Variants in TPST2 observed in about 807,000 individuals in gnomAD.
TPST2 encodes tyrosylprotein sulfotransferase 2, also known as protein-tyrosine sulfotransferase 2.
A neutral mutation model predicts 27.8 loss-of-function variants in TPST2; 16 were observed. The observed-to-expected ratio is 0.58, with a 90% CI of 0.39 to 0.88. The LOEUF is 0.88. Among genes scored for constraint, TPST2 ranks in the 40% least tolerant of loss-of-function variants. The probability of loss-of-function intolerance (pLI) is 0.00; values close to 1 mark genes in which losing one functional copy is unlikely to be tolerated. For missense variants in TPST2, 464 were observed against 543.1 expected, an observed-to-expected ratio of 0.85 and a Z score of 1.45; for synonymous variants, 229 against 231.7, an observed-to-expected ratio of 0.99 and a Z score of 0.10.
intron 1 of TPST2, among the ~76,000 whole-genome samples, chr22:26,583,465 G>T (rs1187015013): frequency 1.4e-5 from 2 of 142,332 alleles, no homozygotes; most frequent in African/African-American, 5.1e-5. Flanking sequence ...AATGCCTTGA[G>T]GGCTTAAAAT....
chr22:26,570,589 C>T (rs76064569), intron 1 of TPST2, among the ~76,000 whole-genome samples: 3,023 of 152,166 alleles, frequency 0.02, 119 homozygotes, highest in African/African-American at 0.07. Flanking sequence ...GATACTAGCG[C>T]CCCTGGATGC....
Position 26,536,538 on chromosome 22 carries a change from G to A in TPST2, c.843-52C>T, listed in dbSNP as rs746445841. On this transcript the variant is annotated intron_variant, in intron 3 of 6. Coordinates refer to ENST00000338754, the MANE Select transcript of TPST2 (RefSeq NM_003595.5). ...GGTAGGGCAGACCCAGATGGCGCCT[G>A]AGCGGATTCCCTGCTCAGCCACTCT... 22 of 1,415,302 alleles carry A rather than the reference G, an allele frequency of 1.6e-5. 1 individual carries two copies. In the South Asian group the frequency reaches 3.6e-4, roughly 23 times the overall value. 87.7% of individuals were successfully genotyped at this position (1,415,302 alleles called of 1,614,324 possible).
intron 1 of TPST2, among the ~76,000 whole-genome samples, chr22:26,567,211 A>G (rs1239283453): frequency 6.6e-6 from 1 of 152,174 alleles, no homozygotes; most frequent in Non-Finnish European, 1.5e-5. Context: ...GGCTTACTCC[A>G]CCCTGAGACT....
intron 1 of TPST2, among the ~76,000 whole-genome samples, chr22:26,568,052 G>A (rs868169184): frequency 2.0e-5 from 3 of 152,102 alleles, no homozygotes; most frequent in Non-Finnish European, 4.4e-5. Flanking sequence ...CATTTCTACT[G>A]CTGATTATAC....
chr22:26,575,090 T>C (rs936330763), intron 1 of TPST2, among the ~76,000 whole-genome samples: 2 of 152,078 alleles, frequency 1.3e-5, no homozygotes, highest in Admixed American at 6.5e-5. Context: ...GGTAAGAATC[T>C]AGGTTTGACT....
intron 4 of TPST2, among the ~76,000 whole-genome samples, chr22:26,534,276 C>G (rs1036238981): frequency 6.6e-6 from 1 of 152,174 alleles, no homozygotes; most frequent in Non-Finnish European, 1.5e-5. Flanking sequence ...CAGAAGCACA[C>G]AGGCATGCAT....
At position 26,541,709 on chromosome 22, in the gene TPST2, A is replaced by T; in HGVS notation, c.-79T>A. The T allele has an allele frequency of 6.8e-7, 1 of 1,471,556 alleles. No homozygotes were observed. The highest frequency in any genetic ancestry group is 8.9e-7 in the Non-Finnish European group (1 of 1,118,310). The allele number at this position is 1,471,556 out of a possible 1,614,324, so 91.2% of individuals were successfully genotyped here. On this transcript the variant is annotated 5_prime_UTR_variant, in exon 3 of 7. Coordinates refer to ENST00000338754, the MANE Select transcript of TPST2 (RefSeq NM_003595.5). The surrounding 1 kb of genome is among the most constrained non-coding windows in gnomAD (Gnocchi z 5.9). The stretch of plus-strand genomic sequence containing the variant: ...GCGACAGGTTAGCGGGCAGCCCGCC[A>T]GGCTCACATCTGGGGAGAGAGGGGG...
Position 26,525,279 on chromosome 22 carries a change from G to GA in TPST2, c.*995_*996insT, listed in dbSNP as rs1265508845. 1 of 152,252 alleles carries GA rather than the reference G, an allele frequency of 6.6e-6. No homozygotes were observed. Among genetic ancestry groups the GA allele is most frequent in the Non-Finnish European group, 1.5e-5 (1 of 68,118 alleles). The allele number at this position is 152,252 out of a possible 1,614,324, so 9.4% of individuals were successfully genotyped here. A position where few individuals can be genotyped will look rare whatever the true frequency, so the allele number is the denominator to read the frequency against. ...GGAGTCTTGCTCTGTCACCCAGGCTGGAGTATAATGGCACGATCTCCGCTC... is the reference window on the plus strand; with the variant it reads ...GGAGTCTTGCTCTGTCACCCAGGCTGAGAGTATAATGGCACGATCTCCGCTC... On this transcript the variant is annotated 3_prime_UTR_variant, in exon 7 of 7. Transcript: ENST00000338754.
At position 26,526,108 on chromosome 22, in the gene TPST2, C is replaced by T. The variant is rs1050621604; in HGVS notation, c.*167G>A. 3.3e-5 allele frequency: 5 copies of T among 152,240 alleles called. No individual in the cohort carries two copies. Among genetic ancestry groups the T allele is most frequent in the African/African-American group, 4.8e-5 (2 of 41,466 alleles). 9.4% of individuals were successfully genotyped at this position (152,240 alleles called of 1,614,324 possible). Reference sequence around the variant, plus strand: ...TCCAGAGATAGAGAGTTTCAAGGTACGTTTTCAATGATTCAGCTTTTGCAA... The same window carrying T: ...TCCAGAGATAGAGAGTTTCAAGGTATGTTTTCAATGATTCAGCTTTTGCAA... On this transcript the variant is annotated 3_prime_UTR_variant, in exon 7 of 7. Coordinates refer to ENST00000338754, the MANE Select transcript of TPST2 (RefSeq NM_003595.5).
chr22:26,576,314 ACT>A (rs900003390), intron 1 of TPST2, among the ~76,000 whole-genome samples: 85 of 152,116 alleles, frequency 5.6e-4, no homozygotes, highest in African/African-American at 2.0e-3. Context: ...TTCCTGGGAG[ACT>A]CTCTGTACCA....
chr22:26,538,767 G>C (rs1178813605), intron 3 of TPST2, among the ~76,000 whole-genome samples: 1 of 151,850 alleles, frequency 6.6e-6, no homozygotes, highest in South Asian at 2.1e-4. Flanking sequence ...AGGTTGCAGT[G>C]AGCCGAGATC....
At chr22:26,583,546 G>A (rs1482186925) in intron 1 of TPST2, among the ~76,000 whole-genome samples, 1 of 140,322 alleles carries the variant, frequency 7.1e-6, no homozygotes, top group Non-Finnish European at 1.6e-5. Flanking sequence ...AAGGGCTCTT[G>A]GAGCGTGTCA....
intron 1 of TPST2, among the ~76,000 whole-genome samples, chr22:26,550,158 C>T (rs1926390176): frequency 6.6e-6 from 1 of 152,138 alleles, no homozygotes; most frequent in African/African-American, 2.4e-5. Flanking sequence ...TCTAAGAGAT[C>T]CCCTTAGACT....
intron 1 of TPST2, chr22:26,565,760 A>G (rs893519959): frequency 6.6e-6 from 1 of 152,180 alleles, no homozygotes; most frequent in East Asian, 1.9e-4. Context: ...CAATATATAT[A>G]AAATATTATC....
At chr22:26,534,130 G>A (rs1018094886) in intron 4 of TPST2, among the ~76,000 whole-genome samples, 1 of 151,960 alleles carries the variant, frequency 6.6e-6, no homozygotes, top group South Asian at 2.1e-4. Context: ...CAGAATCAGG[G>A]GCCACACATG....
At chr22:26,586,542 C>T (rs1928355226) in intron 1 of TPST2, among the ~76,000 whole-genome samples, 1 of 152,112 alleles carries the variant, frequency 6.6e-6, no homozygotes, top group Non-Finnish European at 1.5e-5. Context: ...GAGCCATGCA[C>T]CCGGCCTAGG....
rs2147165363 is a variant in TPST2, at chr22:26,524,443, G to A, written c.*1832C>T. 1 of 152,336 alleles carries A rather than the reference G, an allele frequency of 6.6e-6. No individual in the cohort carries two copies. Among genetic ancestry groups the A allele is most frequent in the African/African-American group, 2.4e-5 (1 of 41,536 alleles). The allele number at this position is 152,336 out of a possible 1,614,324, so 9.4% of individuals were successfully genotyped here. A position where few individuals can be genotyped will look rare whatever the true frequency, so the allele number is the denominator to read the frequency against. On this transcript the variant is annotated 3_prime_UTR_variant, in exon 7 of 7. Transcript: ENST00000338754. Reference sequence around the variant, plus strand: ...GATCACCTGACCCTAGGAGACCGAGGCTGCAGTGAGCTATGATCACGCCAC... The same window carrying A: ...GATCACCTGACCCTAGGAGACCGAGACTGCAGTGAGCTATGATCACGCCAC...
intron 1 of TPST2, among the ~76,000 whole-genome samples, chr22:26,552,499 C>A (rs777254187): frequency 6.6e-6 from 1 of 152,118 alleles, no homozygotes; most frequent in Non-Finnish European, 1.5e-5. Flanking sequence ...GATGCCAGAA[C>A]CCAAACTGTT....
chr22:26,535,700 G>A lies in TPST2; in HGVS notation c.1041+588C>T, dbSNP rs4149473. Among the ~76,000 whole-genome samples the A allele has an allele frequency of 1.2e-3, 180 of 152,332 alleles. 2 individuals are homozygous for A. The East Asian group carries it at 0.015, about 13-fold the overall frequency. On this transcript the variant is annotated intron_variant, in intron 4 of 6. Transcript: ENST00000338754. ...CTGGGGTGAGAGGATGGCTTAAGCC[G>A]AGAAGTATCAGGCTGCAGTAGCTAT...
Sources: gnomAD v4.1 joint callset for allele counts (sites outside exome capture counted in the v4.1 genomes callset) on GRCh38, gnomAD v4.1.1 for gene constraint, Gnocchi (gnomAD v3.1) non-coding constraint, MANE v1.5 for transcripts, NCBI Gene and HGNC (gene_info 2026-07-23, HGNC 2026-07-21) for gene names.